RAB3C: variants seen among roughly 807,000 people sequenced by gnomAD.
The protein encoded by RAB3C is ras-related protein Rab-3C.
A neutral mutation model predicts 26.4 loss-of-function variants in RAB3C; 17 were observed. That is an observed-to-expected ratio of 0.64 (90% CI 0.44 to 0.97). The LOEUF is 0.97. RAB3C is among the 50% of genes least tolerant of loss of function. The pLI, the probability that RAB3C is intolerant of heterozygous loss-of-function variation, is 0.00. For missense variants in RAB3C, 242 were observed against 281.9 expected, an observed-to-expected ratio of 0.86 and a Z score of 1.01; for synonymous variants, 91 against 95.9, an observed-to-expected ratio of 0.95 and a Z score of 0.30.
chr5:58,799,622 T>A (rs555682421), intron 3 of RAB3C, among the ~76,000 whole-genome samples: 1 of 152,172 alleles, frequency 6.6e-6, no homozygotes, highest in Non-Finnish European at 1.5e-5. Context: ...TGGGTTTGGT[T>A]TGCAGTTGTG....
intron 1 of RAB3C, among the ~76,000 whole-genome samples, chr5:58,603,254 T>C (rs987726719): frequency 6.6e-6 from 1 of 152,186 alleles, no homozygotes; most frequent in Non-Finnish European, 1.5e-5. Context: ...GATTCTTTCC[T>C]TTGTCTTAAC....
intron 4 of RAB3C, among the ~76,000 whole-genome samples, chr5:58,850,061 G>A (rs1198777485): frequency 2.0e-5 from 3 of 152,168 alleles, no homozygotes; most frequent in Non-Finnish European, 2.9e-5. Flanking sequence ...CTAAATCAAC[G>A]TCCCCTGAAT....
At chr5:58,833,324 T>TCACACACACACA (rs571940681) in intron 4 of RAB3C, among the ~76,000 whole-genome samples, 7,002 of 140,752 alleles carry the variant, frequency 0.05, 217 homozygotes, top group African/African-American at 0.061. Flanking sequence ...ACGGACCCCA[T>TCACACACACACA]CACACACACA....
upstream of RAB3C, among the ~76,000 whole-genome samples, chr5:58,582,736 C>A (rs908972817): frequency 1.3e-5 from 2 of 152,116 alleles, no homozygotes; most frequent in Non-Finnish European, 2.9e-5. Context: ...AGTGTTGTTT[C>A]CTAATCAGAA....
chr5:58,766,517 C>G (rs986307875), intron 3 of RAB3C, among the ~76,000 whole-genome samples: 1 of 152,164 alleles, frequency 6.6e-6, no homozygotes, highest in Admixed American at 6.5e-5. Flanking sequence ...GACAAAGCTG[C>G]CTCGTAGCAC....
intron 3 of RAB3C, among the ~76,000 whole-genome samples, chr5:58,796,982 A>G (rs1366541953): frequency 1.2e-5 from 1 of 84,732 alleles, no homozygotes; most frequent in African/African-American, 3.3e-5. Flanking sequence ...TTTCTGACCC[A>G]CTACACACAC....
intron 3 of RAB3C, among the ~76,000 whole-genome samples, chr5:58,757,919 TTTG>T (rs1312937885): frequency 9.5e-6 from 1 of 105,378 alleles, no homozygotes; most frequent in Non-Finnish European, 2.2e-5. Context: ...CTTATTTGTT[TTTG>T]TTGTTGTTGT....
intron 3 of RAB3C, among the ~76,000 whole-genome samples, chr5:58,761,281 T>A (rs1333318016): frequency 6.6e-6 from 1 of 152,194 alleles, no homozygotes; most frequent in African/African-American, 2.4e-5. Context: ...TTGAAGATAA[T>A]TCCCTGAGAA....
chr5:58,830,095 G>A lies in RAB3C; in HGVS notation c.496+4933G>A, dbSNP rs556182510. 2.6e-5 allele frequency among the ~76,000 whole-genome samples: 4 copies of A among 152,174 alleles called. No individual in the cohort carries two copies. In the South Asian group the frequency reaches 6.2e-4, roughly 24 times the overall value. On this transcript the variant is annotated intron_variant, in intron 4 of 4. Transcript: ENST00000282878. ...GAATGGGTAGTTACTTCTCTTTTTG[G>A]AAAATGAAGAATGACAAAAAGATAC...
At chr5:58,754,144 C>A (rs1489658648) in intron 3 of RAB3C, among the ~76,000 whole-genome samples, 2 of 152,110 alleles carry the variant, frequency 1.3e-5, no homozygotes, top group African/African-American at 2.4e-5. Context: ...TTGGCACTTA[C>A]AGGGTTAGCC....
chr5:58,612,298 A>C (rs888426518), intron 1 of RAB3C, among the ~76,000 whole-genome samples: 39 of 151,800 alleles, frequency 2.6e-4, no homozygotes, highest in Non-Finnish European at 3.7e-4. Flanking sequence ...TAGGAATATC[A>C]TTGAATCTAT....
intron 2 of RAB3C, among the ~76,000 whole-genome samples, chr5:58,700,078 T>C (rs1028414657): frequency 6.6e-6 from 1 of 152,178 alleles, no homozygotes; most frequent in Non-Finnish European, 1.5e-5. Flanking sequence ...CCAGAGCTGT[T>C]CCTATTCAGT....
chr5:58,720,087 A>G (rs1740714984), intron 2 of RAB3C, among the ~76,000 whole-genome samples: 1 of 151,916 alleles, frequency 6.6e-6, no homozygotes, highest in Non-Finnish European at 1.5e-5. Context: ...AGGGACTTCG[A>G]CACTAAATAA....
chr5:58,859,381 A>G lies in RAB3C; in HGVS notation c.*8030A>G, dbSNP rs1221254156. 1 of 152,218 alleles carries G rather than the reference A, an allele frequency of 6.6e-6. No individual in the cohort carries two copies. Among genetic ancestry groups the G allele is most frequent in the African/African-American group, 2.4e-5 (1 of 41,454 alleles). 9.4% of individuals were successfully genotyped at this position (152,218 alleles called of 1,614,324 possible). A position where few individuals can be genotyped will look rare whatever the true frequency, so the allele number is the denominator to read the frequency against. On this transcript the variant is annotated 3_prime_UTR_variant, in exon 5 of 5. Transcript: ENST00000282878. ...GAAGATTACAATAAATATCTAAGAG[A>G]CTATATTCCTGAATTTCTTAGCCTT...
intron 2 of RAB3C, among the ~76,000 whole-genome samples, chr5:58,690,655 G>A (rs935202376): frequency 9.2e-5 from 14 of 152,004 alleles, no homozygotes; most frequent in South Asian, 2.1e-4. Flanking sequence ...AGCTTCTTAC[G>A]CAGCAGCTTA....
In RAB3C at chr5:58,622,182, C is replaced by T. The variant is rs533279526; in HGVS notation, c.252+4312C>T. ...TTCAACTTACTCTGGGACACAGGAA[C>T]GATCCCTCAGTTGCCTGGCACTTAA... is the stretch of plus-strand genomic sequence containing the variant. On this transcript the variant is annotated intron_variant, in intron 2 of 4. Coordinates refer to ENST00000282878, the MANE Select transcript of RAB3C (RefSeq NM_138453.4). Among the ~76,000 whole-genome samples the T allele has an allele frequency of 7.2e-5, 11 of 152,176 alleles. No homozygotes were observed. The South Asian group carries it at 1.2e-3, about 17-fold the overall frequency.
intron 2 of RAB3C, among the ~76,000 whole-genome samples, chr5:58,637,861 T>C (rs1436605423): frequency 6.6e-6 from 1 of 152,174 alleles, no homozygotes; most frequent in Non-Finnish European, 1.5e-5. Context: ...AAAGAAAATA[T>C]ACATATGATA....
chr5:58,820,757 C>T (rs1743321683), intron 3 of RAB3C, among the ~76,000 whole-genome samples: 1 of 152,090 alleles, frequency 6.6e-6, no homozygotes, highest in African/African-American at 2.4e-5. Flanking sequence ...TATATAAGAG[C>T]AAATGAAGAG....
intron 3 of RAB3C, among the ~76,000 whole-genome samples, chr5:58,745,429 T>C (rs909384126): frequency 7.2e-6 from 1 of 138,008 alleles, no homozygotes; most frequent in Admixed American, 7.2e-5. Flanking sequence ...AGAAAGTAGA[T>C]GGGGTATAAT....
Sources: allele counts gnomAD v4.1 joint callset (sites outside exome capture counted in the v4.1 genomes callset), GRCh38; gene constraint gnomAD v4.1.1; transcripts MANE v1.5; gene names NCBI Gene and HGNC (gene_info 2026-07-23, HGNC 2026-07-21).